Variants in SGK1 observed in about 807,000 individuals in gnomAD.
SGK1 encodes the protein serum/glucocorticoid regulated kinase 1.
Under a neutral mutation model 64.2 loss-of-function variants are expected in SGK1, and 26 were observed. That is an observed-to-expected ratio of 0.40 (90% CI 0.30 to 0.56). SGK1 has a LOEUF of 0.56. Ranked by LOEUF, SGK1 falls within the 20% of genes least tolerant of loss-of-function variation. SGK1 has a pLI of 0.38. For synonymous variants in SGK1, 265 were observed against 239.7 expected (o/e 1.11, Z -0.98); for missense variants, 519 against 645.6 (o/e 0.80, Z 2.12).
At chr6:134,311,970 TCAA>T (rs1225347714) in intron 1 of SGK1, among the ~76,000 whole-genome samples, 4 of 152,104 alleles carry the variant, frequency 2.6e-5, no homozygotes, top group Non-Finnish European at 5.9e-5. Flanking sequence ...TATAACAACA[TCAA>T]CAACAACAAC....
chr6:134,181,049 C>A (rs911268897), intron 3 of SGK1, among the ~76,000 whole-genome samples: 6 of 152,340 alleles, frequency 3.9e-5, no homozygotes, highest in Middle Eastern at 6.8e-3. Context: ...CCCGCAATAT[C>A]TGGCCTGGTC....
intron 3 of SGK1, chr6:134,177,607 C>A: frequency 1.4e-6 from 2 of 1,440,696 alleles, no homozygotes; most frequent in South Asian, 1.2e-5. Flanking sequence ...TTCCCCATGC[C>A]AAGTAACCCC....
intron 3 of SGK1, chr6:134,177,787 A>G (rs1277728202): frequency 1.9e-6 from 3 of 1,613,776 alleles, no homozygotes; most frequent in Non-Finnish European, 1.7e-6. Context: ...CCTCCCTGCT[A>G]CATGCCTCTG....
intron 3 of SGK1, among the ~76,000 whole-genome samples, chr6:134,191,667 GTTTT>G (rs869227827): frequency 6.7e-6 from 1 of 149,958 alleles, no homozygotes; most frequent in African/African-American, 2.5e-5. Flanking sequence ...TTGTTTTTTT[GTTTT>G]TGTTTTTTTT....
chr6:134,277,976 C>A (rs1777041493), intron 1 of SGK1, among the ~76,000 whole-genome samples: 1 of 152,200 alleles, frequency 6.6e-6, no homozygotes, highest in Non-Finnish European at 1.5e-5. Context: ...GATTCCAGTT[C>A]TAGCTTCGTA....
At chr6:134,184,145 A>C (rs1775382158) in intron 3 of SGK1, among the ~76,000 whole-genome samples, 1 of 151,948 alleles carries the variant, frequency 6.6e-6, no homozygotes, top group Non-Finnish European at 1.5e-5. Flanking sequence ...TTCACCTGGA[A>C]TGCTTTCCTC....
chr6:134,212,890 G>A (rs1216581107), intron 2 of SGK1, among the ~76,000 whole-genome samples: 1 of 152,068 alleles, frequency 6.6e-6, no homozygotes, highest in Admixed American at 6.6e-5. Flanking sequence ...TGAGGCTTTC[G>A]TATGAAGCAA....
chr6:134,247,417 A>T (rs1276570401), intron 2 of SGK1, among the ~76,000 whole-genome samples: 1 of 152,132 alleles, frequency 6.6e-6, no homozygotes, highest in Non-Finnish European at 1.5e-5. Context: ...TTACCTATAT[A>T]TGGCCCTCCA....
At chr6:134,264,640 A>AT (rs1205806895) in intron 1 of SGK1, among the ~76,000 whole-genome samples, 9 of 151,278 alleles carry the variant, frequency 5.9e-5, no homozygotes, top group African/African-American at 1.5e-4. Flanking sequence ...TATTATTATT[A>AT]TTATTTTTGT....
chr6:134,268,782 C>A (rs1396725375), intron 1 of SGK1, among the ~76,000 whole-genome samples: 4 of 145,098 alleles, frequency 2.8e-5, no homozygotes, highest in Non-Finnish European at 4.5e-5. Context: ...TTCTCCAAAC[C>A]ACACCAGACT....
At chr6:134,268,946 G>GA (rs60194315) in intron 1 of SGK1, among the ~76,000 whole-genome samples, 7,853 of 103,518 alleles carry the variant, frequency 0.076, 956 homozygotes, top group East Asian at 0.43. Context: ...TCTTTACTTG[G>GA]AAAAAAAAAA....
chr6:134,181,418 C>T (rs774144602), intron 3 of SGK1, among the ~76,000 whole-genome samples: 1 of 152,000 alleles, frequency 6.6e-6, no homozygotes, highest in Non-Finnish European at 1.5e-5. Flanking sequence ...GATCTCAGCT[C>T]ACTGCACCCT....
intron 2 of SGK1, among the ~76,000 whole-genome samples, chr6:134,224,010 T>C (rs1207636358): frequency 1.3e-5 from 2 of 152,246 alleles, no homozygotes; most frequent in Admixed American, 6.5e-5. Context: ...CCCAGATGTA[T>C]TGGAAGACTC....
At chr6:134,258,714 A>G (rs1776720723) in intron 2 of SGK1, among the ~76,000 whole-genome samples, 1 of 152,194 alleles carries the variant, frequency 6.6e-6, no homozygotes, top group Non-Finnish European at 1.5e-5. Context: ...CTCAAAAATA[A>G]AATAAAATAA....
chr6:134,307,845 G>T (rs1455129260), intron 1 of SGK1, among the ~76,000 whole-genome samples: 6 of 152,064 alleles, frequency 3.9e-5, no homozygotes, highest in Non-Finnish European at 7.4e-5. Context: ...ACCAAGTAAT[G>T]ATATCATAAT....
intron 1 of SGK1, among the ~76,000 whole-genome samples, chr6:134,284,230 C>G (rs897627917): frequency 2.6e-5 from 4 of 152,088 alleles, no homozygotes; most frequent in African/African-American, 9.7e-5. Context: ...GTAGCTGGGA[C>G]TACAGGTGCA....
intron 2 of SGK1, among the ~76,000 whole-genome samples, chr6:134,241,040 CTTTTTTTCTTTTTTTTTT>C (rs869071684): frequency 3.0e-5 from 4 of 131,356 alleles, no homozygotes; most frequent in South Asian, 2.1e-4. Context: ...TGTTTCTTTT[CTTTTTTTCTTTTTTTTTT>C]TTTTTTTTTG....
chr6:134,284,251 C>G (rs565416490), intron 1 of SGK1, among the ~76,000 whole-genome samples: 1 of 152,142 alleles, frequency 6.6e-6, no homozygotes, highest in African/African-American at 2.4e-5. Flanking sequence ...CACCACCACG[C>G]CTGGCAATTT....
At chr6:134,207,496 T>A in intron 2 of SGK1, 65 bp from the exon 3 acceptor site, 4 of 1,101,762 alleles carry the variant, frequency 3.6e-6, no homozygotes, top group Non-Finnish European at 5.5e-6. Flanking sequence ...TATTTTAGGC[T>A]TATAGTTCTA....
Sources: gnomAD v4.1 joint callset for allele counts (sites outside exome capture counted in the v4.1 genomes callset) on GRCh38, gnomAD v4.1.1 for gene constraint, MANE v1.5 for transcripts, NCBI Gene and HGNC (gene_info 2026-07-23, HGNC 2026-07-21) for gene names.